The following PLAC1 variants were observed in gnomAD, a reference collection of about 807,000 sequenced individuals.
PLAC1 encodes placenta-specific protein 1.
For missense variants in PLAC1, 136 were observed against 163.2 expected (o/e 0.83, Z 0.91); for synonymous variants, 68 against 62.1 (o/e 1.09, Z -0.44).
intron 1 of PLAC1, among the ~76,000 whole-genome samples, chrX:134,648,714 T>C (rs1234604800): frequency 9.1e-6 from 1 of 110,467 alleles, no homozygotes; most frequent in Non-Finnish European, 1.9e-5. Flanking sequence ...ATAAAAAACA[T>C]TGGAACCCTC....
intron 2 of PLAC1, among the ~76,000 whole-genome samples, chrX:134,697,019 C>A (rs1473029372): frequency 4.8e-5 from 5 of 103,498 alleles, no homozygotes; most frequent in African/African-American, 1.8e-4. Flanking sequence ...GGCAACAGAG[C>A]GAGACTCCAT....
chrX:134,592,793 G>A (rs4451467), intron 2 of PLAC1, among the ~76,000 whole-genome samples: 9,973 of 99,967 alleles, frequency 0.1, 555 homozygotes, highest in African/African-American at 0.17. Context: ...ACGCGATCTC[G>A]GCTCACTGCA....
intron 2 of PLAC1, among the ~76,000 whole-genome samples, chrX:134,569,800 G>C (rs1163687911): frequency 3.8e-5 from 4 of 105,633 alleles, no homozygotes; most frequent in African/African-American, 1.4e-4. Context: ...GTGTGTGTGT[G>C]TGTGTGTGTT....
At chrX:134,592,253 T>A (rs988041148) in intron 2 of PLAC1, among the ~76,000 whole-genome samples, 4 of 112,303 alleles carry the variant, frequency 3.6e-5, no homozygotes, top group Non-Finnish European at 7.5e-5. Context: ...TTAAACATTT[T>A]AAAATAGTTT....
chrX:134,743,185 ACTGACTTG>A (rs942377558), intron 1 of PLAC1, among the ~76,000 whole-genome samples: 4 of 112,078 alleles, frequency 3.6e-5, no homozygotes, highest in Non-Finnish European at 7.5e-5. Context: ...ATAATAACTA[ACTGACTTG>A]AAAAGAAGTC....
At chrX:134,699,775 GT>G (rs2078576481) in intron 2 of PLAC1, among the ~76,000 whole-genome samples, 1 of 111,658 alleles carries the variant, frequency 9.0e-6, no homozygotes, top group African/African-American at 3.3e-5. Flanking sequence ...GTATAAATCA[GT>G]TCTTGTTATC....
chrX:134,655,957 T>C (rs1469768454), intron 1 of PLAC1, among the ~76,000 whole-genome samples: 3 of 111,642 alleles, frequency 2.7e-5, no homozygotes, highest in Admixed American at 9.5e-5. Flanking sequence ...GTCTGTGAAT[T>C]TGCCCTTTGA....
At chrX:134,763,135 A>C (rs5930663) in intron 1 of PLAC1, among the ~76,000 whole-genome samples, 3 of 111,617 alleles carry the variant, frequency 2.7e-5, no homozygotes, top group Non-Finnish European at 3.8e-5. Context: ...CCTCACCTAC[A>C]ACAGCCACAG....
chrX:134,578,229 C>T (rs902106598), intron 2 of PLAC1, among the ~76,000 whole-genome samples: 3 of 110,082 alleles, frequency 2.7e-5, no homozygotes, highest in Admixed American at 9.7e-5. Flanking sequence ...CTGGCTAACA[C>T]GGTGAAACCC....
intron 2 of PLAC1, among the ~76,000 whole-genome samples, chrX:134,727,349 A>T (rs1433706392): frequency 9.0e-6 from 1 of 111,666 alleles, no homozygotes; most frequent in Admixed American, 9.6e-5. Flanking sequence ...TAAATCTCTC[A>T]TTTTTTTCTC....
At chrX:134,673,902 T>A (rs576260041) in intron 2 of PLAC1, among the ~76,000 whole-genome samples, 4 of 113,216 alleles carry the variant, frequency 3.5e-5, no homozygotes, top group South Asian at 3.6e-4. Context: ...AATGTGGCTA[T>A]AATCTTGTGT....
In PLAC1 at chrX:134,581,476, C is replaced by CTTTTT. The variant is rs35457928; in HGVS notation, c.-58-14741_-58-14737dup. Among the ~76,000 whole-genome samples, 37 of 58,925 alleles carry CTTTTT rather than the reference C, an allele frequency of 6.3e-4. 1 individual carries two copies. The highest frequency in any genetic ancestry group is 1.4e-3 in the East Asian group (2 of 1,385). 51.2% of individuals were successfully genotyped at this position (58,925 alleles called of 115,157 possible). A position where few individuals can be genotyped will look rare whatever the true frequency, so the allele number is the denominator to read the frequency against. ...ATACCATCTGGTGGTTTCTCAGACT[C>CTTTTT]TTTTTTTTTTTTTTTTTTTTGAGTT... On this transcript the variant is annotated intron_variant, in intron 2 of 2. Transcript: ENST00000359237.
At chrX:134,753,339 A>G (rs1228655955) in intron 1 of PLAC1, among the ~76,000 whole-genome samples, 1 of 111,684 alleles carries the variant, frequency 9.0e-6, no homozygotes. Flanking sequence ...ACGAAGTTGC[A>G]TGAAAGAGCG....
intron 2 of PLAC1, among the ~76,000 whole-genome samples, chrX:134,570,966 C>T (rs1422869097): frequency 8.9e-6 from 1 of 112,023 alleles, no homozygotes; most frequent in Non-Finnish European, 1.9e-5. Flanking sequence ...AACACATATG[C>T]TCTTTTAATT....
At chrX:134,598,143 T>C (rs1189859734) in intron 2 of PLAC1, among the ~76,000 whole-genome samples, 2 of 112,645 alleles carry the variant, frequency 1.8e-5, no homozygotes, top group African/African-American at 6.4e-5. Context: ...CCCACGTCTC[T>C]GATTAGTTAT....
chrX:134,658,069 AG>A (rs1286881192), intron 1 of PLAC1, among the ~76,000 whole-genome samples: 1 of 111,996 alleles, frequency 8.9e-6, no homozygotes, highest in Non-Finnish European at 1.9e-5. Flanking sequence ...ATTTAAATAA[AG>A]AACAGACCAA....
intron 1 of PLAC1, among the ~76,000 whole-genome samples, chrX:134,631,984 G>C (rs1025288477): frequency 1.8e-5 from 2 of 112,261 alleles, no homozygotes; most frequent in African/African-American, 3.2e-5. Flanking sequence ...AAAGACTGAA[G>C]GTGGAACGAA....
At chrX:134,686,179 A>G (rs1293034220) in intron 2 of PLAC1, among the ~76,000 whole-genome samples, 2 of 111,766 alleles carry the variant, frequency 1.8e-5, no homozygotes, top group Non-Finnish European at 3.8e-5. Flanking sequence ...AAGTCACTGC[A>G]TGACTTTAAG....
intron 2 of PLAC1, among the ~76,000 whole-genome samples, chrX:134,594,739 C>T (rs1438355900): frequency 9.1e-6 from 1 of 109,733 alleles, no homozygotes; most frequent in East Asian, 2.9e-4. Flanking sequence ...TTTGTTTCTT[C>T]TCTCTCTCTC....
Sources: gnomAD v4.1 joint callset for allele counts (sites outside exome capture counted in the v4.1 genomes callset) on GRCh38, gnomAD v4.1.1 for gene constraint, MANE v1.5 for transcripts, NCBI Gene and HGNC (gene_info 2026-07-23, HGNC 2026-07-21) for gene names.